RAP1GAP2: variants seen among roughly 807,000 people sequenced by gnomAD.
The protein encoded by RAP1GAP2 is RAP1 GTPase activating protein 2, also known as rap1 GTPase-activating protein 2.
A neutral mutation model predicts 95.0 loss-of-function variants in RAP1GAP2; 27 were observed. The ratio of observed to expected loss-of-function variants is 0.28; its 90% CI spans 0.21 to 0.39. The LOEUF (loss-of-function observed/expected upper bound fraction) is 0.39, where lower values mean the gene tolerates loss of function less well. Ranked by LOEUF, RAP1GAP2 falls within the 10% of genes least tolerant of loss-of-function variation. The pLI is 1.00. For missense variants in RAP1GAP2, 771 were observed against 970.0 expected (o/e 0.79, Z 2.72); for synonymous variants, 373 against 380.9 (o/e 0.98, Z 0.24).
chr17:3,021,032 T>C (rs1475766312), intron 19 of RAP1GAP2, among the ~76,000 whole-genome samples: 6 of 152,192 alleles, frequency 3.9e-5, no homozygotes, highest in Admixed American at 2.0e-4. Context: ...TTCTTGGTAA[T>C]TGTCTTTCTG....
intron 14 of RAP1GAP2, among the ~76,000 whole-genome samples, chr17:3,001,530 CAGA>C (rs2046159188): frequency 1.1e-5 from 1 of 92,004 alleles, no homozygotes; most frequent in African/African-American, 4.6e-5. Context: ...GGAGAAGGGA[CAGA>C]AGAAGCAGGG....
chr17:2,849,195 C>T (rs181095713), intron 2 of RAP1GAP2, among the ~76,000 whole-genome samples: 45 of 152,278 alleles, frequency 3.0e-4, no homozygotes, highest in African/African-American at 1.0e-3. Flanking sequence ...GGACCCTGCC[C>T]GTGGAGGGGA....
At position 3,020,539 on chromosome 17, in the gene RAP1GAP2, G is replaced by T. The variant is rs766352573; in HGVS notation, c.1695G>T (p.Gly565=). The T allele has an allele frequency of 3.7e-6, 6 of 1,613,744 alleles. No homozygotes were observed. The highest frequency in any genetic ancestry group is 1.7e-6 in the Non-Finnish European group (2 of 1,179,860). ...QSRSPIKRRS[G]LFPRLHTGSE... Reference sequence around the variant, plus strand: ...GGAGTCCCATCAAGCGACGCTCGGGGCTCTTCCCCCGCCTGCACACGGGCT... The same window carrying T: ...GGAGTCCCATCAAGCGACGCTCGGGTCTCTTCCCCCGCCTGCACACGGGCT... Residue 565 remains glycine, a synonymous_variant, in exon 19 of 25, where the codon GGG becomes GGT. Coordinates refer to ENST00000254695, the MANE Select transcript of RAP1GAP2 (RefSeq NM_015085.5).
At chr17:2,799,848 G>A (rs953529650) in intron 1 of RAP1GAP2, among the ~76,000 whole-genome samples, 12 of 152,268 alleles carry the variant, frequency 7.9e-5, no homozygotes, top group South Asian at 2.1e-4. Flanking sequence ...GAACCTCAGC[G>A]GCGCTGTCTC....
intron 2 of RAP1GAP2, among the ~76,000 whole-genome samples, chr17:2,845,236 G>A (rs1203158662): frequency 2.0e-5 from 3 of 151,672 alleles, no homozygotes; most frequent in Admixed American, 6.6e-5. Context: ...TCTGCCTCCC[G>A]GGTTCAAGTG....
intron 3 of RAP1GAP2, among the ~76,000 whole-genome samples, chr17:2,919,261 T>C (rs2042673135): frequency 6.6e-6 from 1 of 152,166 alleles, no homozygotes; most frequent in Non-Finnish European, 1.5e-5. Context: ...AAGGAACATC[T>C]TTCTGGGTTG....
chr17:2,989,193 G>A (rs1460967812), intron 11 of RAP1GAP2, among the ~76,000 whole-genome samples: 1 of 152,136 alleles, frequency 6.6e-6, no homozygotes, highest in East Asian at 1.9e-4. Flanking sequence ...TGTTGTGACT[G>A]TTTTTTATTT....
At chr17:2,809,825 G>T (rs986761902) in intron 2 of RAP1GAP2, among the ~76,000 whole-genome samples, 1 of 152,194 alleles carries the variant, frequency 6.6e-6, no homozygotes, top group African/African-American at 2.4e-5. Context: ...TCCAGCCACC[G>T]CGGGAGAGGC....
At position 2,859,387 on chromosome 17, in the gene RAP1GAP2, A is replaced by G. The variant is rs146607180; in HGVS notation, c.81-45897A>G. On this transcript the variant is annotated intron_variant, in intron 2 of 24. Transcript: ENST00000254695. ...TGGCCTCCCAAAGTGCTGGAATTAT[A>G]GGATACATGAGCCACCCTGCTTGGC... is the stretch of plus-strand genomic sequence containing the variant. Among the ~76,000 whole-genome samples the G allele has an allele frequency of 5.0e-3, 763 of 151,982 alleles. 3 individuals carry two copies. Among genetic ancestry groups the G allele is most frequent in the Admixed American group, 8.3e-3 (127 of 15,254 alleles).
chr17:2,965,331 G>GAT lies in RAP1GAP2; in HGVS notation c.493-207_493-206dup. On this transcript the variant is annotated intron_variant, in intron 7 of 24. Coordinates refer to ENST00000254695, the MANE Select transcript of RAP1GAP2 (RefSeq NM_015085.5). The surrounding 1 kb of genome is among the most constrained non-coding windows in gnomAD (Gnocchi z 4.7). ...TACAGCTGTGGTCAGGACTGAAGGA[G>GAT]ATAGTGGGTATTAAGCCCCTGGCAC... 1 of 582,566 alleles carries GAT rather than the reference G, an allele frequency of 1.7e-6. No homozygotes were observed. The highest frequency in any genetic ancestry group is 2.0e-5 in the South Asian group (1 of 49,620). The allele number at this position is 582,566 out of a possible 1,614,324, so 36.1% of individuals were successfully genotyped here.
chr17:2,871,057 G>A lies in RAP1GAP2; in HGVS notation c.81-34227G>A, dbSNP rs140981890. Among the ~76,000 whole-genome samples the A allele has an allele frequency of 9.8e-4, 149 of 152,364 alleles. 1 individual carries two copies. The highest frequency in any genetic ancestry group is 3.5e-3 in the African/African-American group (144 of 41,584). On this transcript the variant is annotated intron_variant, in intron 2 of 24. Coordinates refer to ENST00000254695, the MANE Select transcript of RAP1GAP2 (RefSeq NM_015085.5). The surrounding 1 kb of genome is among the most constrained non-coding windows in gnomAD (Gnocchi z 5.0). ...TGCAACCTCCGCCTCCTGGGTTCAA[G>A]TGATTCTCCTGCCTCTGCTTCCCAA...
upstream of RAP1GAP2, among the ~76,000 whole-genome samples, chr17:2,772,334 G>A (rs191791113): frequency 1.2e-3 from 180 of 152,100 alleles, 2 homozygotes; most frequent in Middle Eastern, 6.8e-3. Context: ...TCTGTCACAC[G>A]GGCTGGACTG....
At chr17:3,028,749 C>T (rs1158126924) in intron 22 of RAP1GAP2, among the ~76,000 whole-genome samples, 1 of 152,152 alleles carries the variant, frequency 6.6e-6, no homozygotes, top group Non-Finnish European at 1.5e-5. Flanking sequence ...ATTGACAGGT[C>T]CACGTCTCTG....
chr17:2,850,070 G>A (rs375110360), intron 2 of RAP1GAP2, among the ~76,000 whole-genome samples: 7 of 142,250 alleles, frequency 4.9e-5, no homozygotes, highest in African/African-American at 1.1e-4. Flanking sequence ...GTGTGATCTC[G>A]GTTCACTGCA....
intron 3 of RAP1GAP2, among the ~76,000 whole-genome samples, chr17:2,940,862 A>G (rs998927082): frequency 1.3e-5 from 2 of 151,804 alleles, no homozygotes; most frequent in Admixed American, 1.3e-4. Flanking sequence ...CTTTTTCTCT[A>G]TGGGAGTCAA....
At chr17:2,781,213 C>G (rs115512183) in intron 1 of RAP1GAP2, among the ~76,000 whole-genome samples, 1 of 152,192 alleles carries the variant, frequency 6.6e-6, no homozygotes, top group African/African-American at 2.4e-5. Context: ...TTGGACCATG[C>G]TGGGCCTGCT....
intron 22 of RAP1GAP2, among the ~76,000 whole-genome samples, chr17:3,028,066 C>T (rs1689638785): frequency 6.6e-6 from 1 of 151,914 alleles, no homozygotes; most frequent in African/African-American, 2.4e-5. Flanking sequence ...AATCCTGGGT[C>T]TGCTGCTTAC....
At chr17:3,015,386 G>A (rs2046722944) in intron 17 of RAP1GAP2, among the ~76,000 whole-genome samples, 2 of 152,256 alleles carry the variant, frequency 1.3e-5, no homozygotes, top group Non-Finnish European at 2.9e-5. Context: ...AGAAAAGCAG[G>A]CAGGATGGGG....
rs185571379 is a variant in RAP1GAP2, at chr17:2,788,844, T to C, written c.-14+11566T>C. 9.9e-5 allele frequency among the ~76,000 whole-genome samples: 15 copies of C among 152,280 alleles called. No homozygotes were observed. In the East Asian group the frequency reaches 2.3e-3, roughly 23 times the overall value. On this transcript the variant is annotated intron_variant, in intron 1 of 24. Coordinates refer to the RAP1GAP2 transcript ENST00000540393. ...GTGGATTGGTTGATGCCGGCCCACATTGGTAAAGCGGCATCTTCTTTACTT... is the reference window on the plus strand; with the variant it reads ...GTGGATTGGTTGATGCCGGCCCACACTGGTAAAGCGGCATCTTCTTTACTT...
Sources: gnomAD v4.1 joint callset for allele counts (sites outside exome capture counted in the v4.1 genomes callset) on GRCh38, gnomAD v4.1.1 for gene constraint, Gnocchi (gnomAD v3.1) non-coding constraint, MANE v1.5 for transcripts, NCBI Gene and HGNC (gene_info 2026-07-23, HGNC 2026-07-21) for gene names.